Variants in DEPDC4 observed in about 807,000 individuals in gnomAD.
DEPDC4 encodes DEP domain containing 4.
DEPDC4 carries 52 observed loss-of-function variants against 52.0 expected under a neutral mutation model. The observed-to-expected ratio is 1.00, with a 90% CI of 0.80 to 1.26. The LOEUF is 1.26. Among genes scored for constraint, DEPDC4 ranks in the 50% most tolerant of loss-of-function variants. DEPDC4 has a pLI of 0.00. For missense variants in DEPDC4, 530 were observed against 546.9 expected, an observed-to-expected ratio of 0.97 and a Z score of 0.31; for synonymous variants, 201 against 196.8, an observed-to-expected ratio of 1.02 and a Z score of -0.18.
downstream of DEPDC4, among the ~76,000 whole-genome samples, chr12:100,239,380 ATT>A (rs896510850): frequency 1.4e-5 from 2 of 142,294 alleles, no homozygotes; most frequent in Non-Finnish European, 3.1e-5. Flanking sequence ...CTGGCCAATA[ATT>A]TTTTTTTTTT....
rs1430147381 is a variant in DEPDC4, at chr12:100,253,679, C to T, written c.915G>A (p.Leu305=). 7.8e-7 allele frequency: 1 copy of T among 1,289,744 alleles called. No individual in the cohort carries two copies. The highest frequency in any genetic ancestry group is 5.5e-5 in the East Asian group (1 of 18,024). The allele number at this position is 1,289,744 out of a possible 1,614,324, so 79.9% of individuals were successfully genotyped here. Reference sequence around the variant, plus strand: ...CTATTAACTGGTCAGGGAAATACTCCAAGCATTCAATTGCTGCATTAAGCC... The same window carrying T: ...CTATTAACTGGTCAGGGAAATACTCTAAGCATTCAATTGCTGCATTAAGCC... ...DNWLNAAIEC[L]EYFPDQLIVT... is the part of the protein sequence containing the mutation. The change falls in exon 5 of 10, where the codon TTG becomes TTA. Residue 305 remains leucine (L), a synonymous_variant. Transcript: ENST00000550587.
upstream of DEPDC4, among the ~76,000 whole-genome samples, chr12:100,270,101 C>T (rs1220369872): frequency 6.6e-6 from 1 of 151,972 alleles, no homozygotes; most frequent in African/African-American, 2.4e-5. Context: ...ATTCTCCTGC[C>T]TCAGCCTCCC....
Position 100,241,655 on chromosome 12 carries a change from C to A in DEPDC4, c.*237G>T. 1 of 1,196,418 alleles carries A rather than the reference C, an allele frequency of 8.4e-7. No homozygotes were observed. The highest frequency in any genetic ancestry group is 6.4e-5 in the East Asian group (1 of 15,556). 74.1% of individuals were successfully genotyped at this position (1,196,418 alleles called of 1,614,324 possible). On this transcript the variant is annotated 3_prime_UTR_variant, in exon 10 of 10. Transcript: ENST00000550587. ...TGTTTATATTTACAAATTGTAGTTT[C>A]TTGTATCAGAAATGTTAATTCAAAG...
intron 2 of DEPDC4, 95 bp downstream of exon 2, chr12:100,263,399 TGGC>T: frequency 2.9e-6 from 3 of 1,051,306 alleles, no homozygotes; most frequent in Non-Finnish European, 4.0e-6. Flanking sequence ...TTTTTTTAAT[TGGC>T]TTCTGAAAAA....
At chr12:100,239,008 TAC>T (rs1397962419), downstream of DEPDC4, among the ~76,000 whole-genome samples, 2 of 152,190 alleles carry the variant, frequency 1.3e-5, no homozygotes, top group Non-Finnish European at 2.9e-5. Flanking sequence ...AAAAACTGCC[TAC>T]AGTTTCAGAA....
At chr12:100,275,580 A>G in the DEPDC4 span, among the ~76,000 whole-genome samples, 2 of 152,176 alleles carry the variant, frequency 1.3e-5, no homozygotes, top group African/African-American at 4.8e-5. Context: ...GCTATTTTGT[A>G]GATTGATTCC....
At chr12:100,250,828 C>G (rs1170190745) in intron 7 of DEPDC4, among the ~76,000 whole-genome samples, 2 of 152,162 alleles carry the variant, frequency 1.3e-5, no homozygotes, top group Non-Finnish European at 2.9e-5. Context: ...AAAACATTTA[C>G]ATAACCTGGG....
At chr12:100,252,672 A>G in intron 5 of DEPDC4, 136 bp from the exon 6 acceptor site, 1 of 751,006 alleles carries the variant, frequency 1.3e-6, no homozygotes. Context: ...AAAATTTTTT[A>G]TTATGGAATA....
In DEPDC4 at chr12:100,262,391, A is replaced by C; in HGVS notation, c.573T>G (p.Ile191Met). ...NETLRPGYEM[I>M]SNPLAQEIGE... ...CAATCTCCTGTGCTAGAGGATTTGA[A>C]ATCATTTCATATCCTGGTCTGTTAA... Residue 191 changes from isoleucine to methionine, a missense_variant, in exon 3 of 10, where the codon ATT (isoleucine) becomes ATG (methionine). Coordinates refer to ENST00000550587, the MANE Select transcript of DEPDC4 (RefSeq NM_001364818.2). 2 of 1,609,260 alleles carry C rather than the reference A, an allele frequency of 1.2e-6. No individual in the cohort carries two copies. Among genetic ancestry groups the C allele is most frequent in the Non-Finnish European group, 1.7e-6 (2 of 1,179,118 alleles).
At chr12:100,232,971 A>T (rs1337314043) in intron 9 of DEPDC4, among the ~76,000 whole-genome samples, 1 of 152,184 alleles carries the variant, frequency 6.6e-6, no homozygotes, top group Non-Finnish European at 1.5e-5. Context: ...AAATAGTGTA[A>T]CCTGTGACAG....
At chr12:100,242,249 C>G (rs933242617) in intron 9 of DEPDC4, among the ~76,000 whole-genome samples, 8 of 151,698 alleles carry the variant, frequency 5.3e-5, no homozygotes, top group African/African-American at 1.9e-4. Context: ...CAGAGGAAGC[C>G]ACCATAGCCT....
Position 100,262,293 on chromosome 12 carries a change from T to A in DEPDC4, c.671A>T (p.Gln224Leu), listed in dbSNP as rs1022762496. The A allele has an allele frequency of 6.2e-7, 1 of 1,609,872 alleles. No homozygotes were observed. The highest frequency in any genetic ancestry group is 1.3e-5 in the African/African-American group (1 of 74,642). ...TTTTGAAAGCCGGAGAAAAGGTTTC[T>A]GAACTGTGATATTTGGACATAAAGC... is the stretch of plus-strand genomic sequence containing the variant. ...NPALCPNITV[Q>L]KPFLRLSKED... is the part of the protein sequence containing the mutation. Residue 224 changes from glutamine to leucine, a missense_variant, in exon 3 of 10, where the codon CAG becomes CTG. Transcript: ENST00000550587.
downstream of DEPDC4, among the ~76,000 whole-genome samples, chr12:100,237,299 C>T (rs567462980): frequency 2.0e-5 from 3 of 152,048 alleles, no homozygotes; most frequent in South Asian, 6.2e-4. Flanking sequence ...CCTCCACCTC[C>T]CAAGTTCAAG....
Position 100,260,400 on chromosome 12 carries a change from C to T in DEPDC4, c.700+1864G>A, listed in dbSNP as rs1387356682. Among the ~76,000 whole-genome samples the T allele has an allele frequency of 6.6e-5, 10 of 151,472 alleles. No homozygotes were observed. In the South Asian group the frequency reaches 8.4e-4, roughly 13 times the overall value. ...CCTCCCAAAGTGCTGGGATTACAGG[C>T]GTGAGCCACCGTGCCCTGGCCTTTA... On this transcript the variant is annotated intron_variant, in intron 3 of 9. Transcript: ENST00000550587.
At chr12:100,233,625 G>T (rs760987049) in intron 9 of DEPDC4, among the ~76,000 whole-genome samples, 22 of 152,180 alleles carry the variant, frequency 1.4e-4, no homozygotes, top group Non-Finnish European at 2.9e-4. Context: ...TTATACTCAT[G>T]AATGAATTAT....
rs1395701027 is a variant in DEPDC4, at chr12:100,256,098, T to G, written c.829A>C (p.Thr277Pro). 6.2e-7 allele frequency: 1 copy of G among 1,613,124 alleles called. No individual in the cohort carries two copies. Among genetic ancestry groups the G allele is most frequent in the African/African-American group, 1.3e-5 (1 of 74,918 alleles). Residue 277 changes from threonine to proline, a missense_variant, in exon 4 of 10, where the codon ACT becomes CCT. Transcript: ENST00000550587. ...AGTTCTCTGTCTAGGCAAGTGTTAG[T>G]GATAACAAGATCTTCCTCTTTGTTT... Reference protein sequence around the residue: ...QLNKEEDLVITNTCLDRELIP... With the variant: ...QLNKEEDLVIPNTCLDRELIP...
rs1273984554 is a variant in DEPDC4 at position 100,240,107 on chromosome 12, TTC to T, written c.*1783_*1784del. Among the ~76,000 whole-genome samples the T allele has an allele frequency of 1.3e-5, 2 of 152,218 alleles. No individual in the cohort carries two copies. The highest frequency in any genetic ancestry group is 6.5e-5 in the Admixed American group (1 of 15,282). ...TTTTCAAGAATTTAATTAATTATGCTTCTGTTTCCCTGTGATCAACAATATAA... is the reference window on the plus strand; with the variant it reads ...TTTTCAAGAATTTAATTAATTATGCTTGTTTCCCTGTGATCAACAATATAA... On this transcript the variant is annotated 3_prime_UTR_variant, in exon 10 of 10. Transcript: ENST00000550587.
At chr12:100,235,057 A>G (rs1448154227) in intron 9 of DEPDC4, among the ~76,000 whole-genome samples, 2 of 30,130 alleles carry the variant, frequency 6.6e-5, no homozygotes, top group Admixed American at 1.0e-3. Context: ...GTATGGATGT[A>G]TGTGTGTGTA....
At chr12:100,261,605 A>G (rs947430395) in intron 3 of DEPDC4, 1 of 409,598 alleles carries the variant, frequency 2.4e-6, no homozygotes, top group African/African-American at 2.1e-5. Context: ...TTGCAGGACA[A>G]ATACTAAGGA....
Sources: gnomAD v4.1 joint callset for allele counts (sites outside exome capture counted in the v4.1 genomes callset) on GRCh38, gnomAD v4.1.1 for gene constraint, MANE v1.5 for transcripts, NCBI Gene and HGNC (gene_info 2026-07-23, HGNC 2026-07-21) for gene names.